PAM: variants seen among roughly 807,000 people sequenced by gnomAD.
PAM encodes the protein peptidylglycine alpha-amidating monooxygenase.
PAM carries 72 observed loss-of-function variants against 122.1 expected under a neutral mutation model. The ratio of observed to expected loss-of-function variants is 0.59; its 90% CI spans 0.49 to 0.72. The LOEUF (loss-of-function observed/expected upper bound fraction) is 0.72, where lower values mean the gene tolerates loss of function less well. PAM is among the 30% of genes least tolerant of loss of function. The probability of loss-of-function intolerance (pLI) is 0.00; values close to 1 mark genes in which losing one functional copy is unlikely to be tolerated. For synonymous variants in PAM, 389 were observed against 404.4 expected, an observed-to-expected ratio of 0.96 and a Z score of 0.46; for missense variants, 1,106 against 1,183.7, an observed-to-expected ratio of 0.93 and a Z score of 0.96.
chr5:102,845,403 CATA>C (rs1423136266), intron 1 of PAM, among the ~76,000 whole-genome samples: 1 of 152,124 alleles, frequency 6.6e-6, no homozygotes. Context: ...AGAGTCAAAG[CATA>C]ATGTTAAAGT....
intron 1 of PAM, among the ~76,000 whole-genome samples, chr5:102,831,646 T>A (rs116439458): frequency 6.6e-6 from 1 of 152,106 alleles, no homozygotes; most frequent in Non-Finnish European, 1.5e-5. Context: ...TTTCATGCAG[T>A]TTTTAAAGCC....
intron 1 of PAM, among the ~76,000 whole-genome samples, chr5:102,773,578 T>C (rs1434464082): frequency 1.3e-5 from 2 of 152,134 alleles, no homozygotes; most frequent in African/African-American, 4.8e-5. Context: ...AAAACATTCA[T>C]TCTCAGCTTG....
intron 4 of PAM, among the ~76,000 whole-genome samples, chr5:102,912,538 G>A (rs1391343484): frequency 6.6e-6 from 1 of 151,874 alleles, no homozygotes. Context: ...ACTCAACCTG[G>A]CAGTGGTCTA....
intron 1 of PAM, among the ~76,000 whole-genome samples, chr5:102,778,119 C>T (rs1370055098): frequency 6.6e-6 from 1 of 152,132 alleles, no homozygotes; most frequent in African/African-American, 2.4e-5. Context: ...AAGCCTGCAC[C>T]ATAGAGAATT....
intron 1 of PAM, among the ~76,000 whole-genome samples, chr5:102,793,149 C>A (rs1762481999): frequency 6.6e-6 from 1 of 151,950 alleles, no homozygotes. Context: ...TATAGAACAC[C>A]GAAGATTCTT....
intron 3 of PAM, among the ~76,000 whole-genome samples, chr5:102,877,253 T>G (rs1418381486): frequency 6.6e-6 from 1 of 152,252 alleles, no homozygotes; most frequent in East Asian, 1.9e-4. Context: ...ATTTCTGCCC[T>G]GAACTGCATT....
intron 2 of PAM, 140 bp downstream of exon 2, chr5:102,866,424 G>T (rs964891060): frequency 6.9e-5 from 45 of 651,080 alleles, no homozygotes; most frequent in Middle Eastern, 2.4e-4. Flanking sequence ...GTAACTTCTT[G>T]TGAAGTCCCC....
intron 1 of PAM, among the ~76,000 whole-genome samples, chr5:102,810,172 ACTAG>A: frequency 2.0e-5 from 3 of 152,230 alleles, no homozygotes; most frequent in Middle Eastern, 6.8e-3. Flanking sequence ...TTCTTCAATA[ACTAG>A]CTCTTTGTAG....
intron 1 of PAM, among the ~76,000 whole-genome samples, chr5:102,858,876 C>T (rs766721254): frequency 3.9e-5 from 6 of 152,080 alleles, no homozygotes; most frequent in Admixed American, 6.5e-5. Flanking sequence ...CTCAGTGTCA[C>T]GACACATATG....
intron 4 of PAM, 26 bp downstream of exon 4, chr5:102,901,439 T>G (rs1196639839): frequency 7.3e-7 from 1 of 1,367,784 alleles, no homozygotes; most frequent in Non-Finnish European, 1.0e-6. Context: ...ATTGGGGGAG[T>G]AGCAGTTTAA....
At chr5:102,786,380 T>C (rs1007539031) in intron 1 of PAM, among the ~76,000 whole-genome samples, 8 of 152,358 alleles carry the variant, frequency 5.3e-5, no homozygotes, top group African/African-American at 1.9e-4. Context: ...AAAAGTACTT[T>C]GAATAGCGCC....
intron 22 of PAM, among the ~76,000 whole-genome samples, chr5:103,018,643 T>C (rs1782693952): frequency 6.6e-6 from 1 of 152,166 alleles, no homozygotes; most frequent in Non-Finnish European, 1.5e-5. Flanking sequence ...CCCAACTGCA[T>C]GACTAAAGTG....
chr5:102,823,839 A>C (rs1281014517), intron 1 of PAM, among the ~76,000 whole-genome samples: 1 of 152,148 alleles, frequency 6.6e-6, no homozygotes, highest in Non-Finnish European at 1.5e-5. Flanking sequence ...CAGAGTCTGA[A>C]CTTGTTATAT....
At chr5:102,873,989 T>C (rs1038298239) in intron 3 of PAM, among the ~76,000 whole-genome samples, 2 of 152,188 alleles carry the variant, frequency 1.3e-5, no homozygotes. Context: ...TTATGCAATG[T>C]GTATAAAATT....
chr5:102,765,399 C>T (rs1010363830), intron 1 of PAM, among the ~76,000 whole-genome samples: 5 of 152,064 alleles, frequency 3.3e-5, no homozygotes, highest in African/African-American at 7.2e-5. Flanking sequence ...AGCAAATGTA[C>T]GACATTATTT....
chr5:102,969,573 A>C lies in PAM; in HGVS notation c.1163-4543A>C, dbSNP rs1317050881. Among the ~76,000 whole-genome samples the C allele has an allele frequency of 2.6e-5, 4 of 152,178 alleles. No homozygotes were observed. In the East Asian group the frequency reaches 7.7e-4, roughly 29 times the overall value. On this transcript the variant is annotated intron_variant, in intron 14 of 25. Coordinates refer to ENST00000438793, the MANE Select transcript of PAM (RefSeq NM_001177306.2). The stretch of plus-strand genomic sequence containing the variant: ...AAGGAGGGAAAAGTTGATGTTGCAA[A>C]TCAGCCTAGGTTGGACCTTGTGATT...
Position 103,028,295 on chromosome 5 carries a change from G to A in PAM, c.2743+57G>A, listed in dbSNP as rs878883904. On this transcript the variant is annotated intron_variant, in intron 25 of 25. Coordinates refer to ENST00000438793, the MANE Select transcript of PAM (RefSeq NM_001177306.2). ...TTTGGTTCAAAGTCAACAAGCACATGTCTTTTAAAAAGCAAGGAGATATTT... is the reference window on the plus strand; with the variant it reads ...TTTGGTTCAAAGTCAACAAGCACATATCTTTTAAAAAGCAAGGAGATATTT... 17 of 1,221,754 alleles carry A rather than the reference G, an allele frequency of 1.4e-5. 1 individual carries two copies. In the South Asian group the frequency reaches 1.8e-4, roughly 13 times the overall value. The allele number at this position is 1,221,754 out of a possible 1,614,324, so 75.7% of individuals were successfully genotyped here. A position where few individuals can be genotyped will look rare whatever the true frequency, so the allele number is the denominator to read the frequency against.
rs555862556 is a variant in PAM at position 102,929,224 on chromosome 5, A to C, written c.526+2556A>C. On this transcript the variant is annotated intron_variant, in intron 7 of 25. Transcript: ENST00000438793. ...TCCCACTCACACCTCATGCCAAAAA[A>C]AGAATATGAATCTCTATATGCCTGA... is the stretch of plus-strand genomic sequence containing the variant. 5.3e-5 allele frequency among the ~76,000 whole-genome samples: 8 copies of C among 152,320 alleles called. No individual in the cohort carries two copies. In the South Asian group the frequency reaches 1.7e-3, roughly 32 times the overall value.
chr5:102,773,014 A>G lies in PAM; in HGVS notation c.-374+17666A>G, dbSNP rs75860348. On this transcript the variant is annotated intron_variant, in intron 1 of 25. Transcript: ENST00000438793. ...GAGCAATAGGACTTCAGGAATGCCA[A>G]TTTTAATGGGTGTTACTTGACAAAC... 8.0e-3 allele frequency among the ~76,000 whole-genome samples: 1,218 copies of G among 152,216 alleles called. 6 individuals carry two copies. Among genetic ancestry groups the G allele is most frequent in the African/African-American group, 0.028 (1,165 of 41,542 alleles).
Sources: allele counts gnomAD v4.1 joint callset (sites outside exome capture counted in the v4.1 genomes callset), GRCh38; gene constraint gnomAD v4.1.1; transcripts MANE v1.5; gene names NCBI Gene and HGNC (gene_info 2026-07-23, HGNC 2026-07-21).